EFCAB6: variants seen among roughly 807,000 people sequenced by gnomAD.
The protein encoded by EFCAB6 is EF-hand calcium-binding domain-containing protein 6.
Under a neutral mutation model 169.8 loss-of-function variants are expected in EFCAB6, and 156 were observed. The ratio of observed to expected loss-of-function variants is 0.92; its 90% CI spans 0.81 to 1.05. The LOEUF is 1.05. EFCAB6 is among the 50% of genes least tolerant of loss of function. EFCAB6 has a pLI of 0.00. For missense variants in EFCAB6, 1,800 were observed against 1,829.1 expected, an observed-to-expected ratio of 0.98 and a Z score of 0.29; for synonymous variants, 698 against 676.4, an observed-to-expected ratio of 1.03 and a Z score of -0.50.
At position 43,678,129 on chromosome 22, in the gene EFCAB6, C is replaced by A. The variant is rs200749675; in HGVS notation, c.1286G>T (p.Arg429Leu). ...TACAGCCATGCAATTTAGAATATATCGAAATTCTTCTCTTGTTATCGGTCC... is the reference window on the plus strand; with the variant it reads ...TACAGCCATGCAATTTAGAATATATAGAAATTCTTCTCTTGTTATCGGTCC... ...PDGPITREEFRYILNCMAVKL... is the reference protein window; with the variant it reads ...PDGPITREEFLYILNCMAVKL... Residue 429 changes from arginine (R) to leucine (L), a missense_variant, in exon 13 of 32, where the codon CGA becomes CTA. Physicochemically the swap from Arg to Leu is moderately radical, Grantham distance 102. Coordinates refer to ENST00000262726, the MANE Select transcript of EFCAB6 (RefSeq NM_022785.4). The A allele has an allele frequency of 2.5e-6, 4 of 1,609,266 alleles. No individual in the cohort carries two copies. Among genetic ancestry groups the A allele is most frequent in the Non-Finnish European group, 2.5e-6 (3 of 1,179,278 alleles).
At chr22:43,622,263 C>T (rs1411673467) in intron 20 of EFCAB6, among the ~76,000 whole-genome samples, 1 of 152,136 alleles carries the variant, frequency 6.6e-6, no homozygotes, top group African/African-American at 2.4e-5. Flanking sequence ...CACTTATTTT[C>T]TTTATAAAAT....
intron 4 of EFCAB6, among the ~76,000 whole-genome samples, chr22:43,770,928 GAA>G (rs55815179): frequency 2.0e-5 from 3 of 150,484 alleles, no homozygotes; most frequent in East Asian, 2.0e-4. Flanking sequence ...TTTTAAGTCA[GAA>G]AAAAAAAAGA....
At chr22:43,682,550 GCGGCT>G (rs2058045722) in intron 12 of EFCAB6, among the ~76,000 whole-genome samples, 1 of 152,224 alleles carries the variant, frequency 6.6e-6, no homozygotes, top group Non-Finnish European at 1.5e-5. Flanking sequence ...CTTTTCCCAC[GCGGCT>G]CAGCCAGCAG....
chr22:43,666,386 G>A (rs1457648793), intron 17 of EFCAB6, among the ~76,000 whole-genome samples: 1 of 152,168 alleles, frequency 6.6e-6, no homozygotes, highest in Non-Finnish European at 1.5e-5. Context: ...TCCGGCAGTG[G>A]GGCAGGCACC....
intron 7 of EFCAB6, 22 bp downstream of exon 7, chr22:43,735,835 C>T: frequency 6.2e-7 from 1 of 1,611,484 alleles, no homozygotes; most frequent in Non-Finnish European, 8.5e-7. Context: ...AGCAATCTCT[C>T]ACCGTGCCTT....
Position 43,672,231 on chromosome 22 carries a change from G to T in EFCAB6, c.1479+15C>A. ...ATAGGAAGGCATCCACACAAAGAAG[G>T]CAAGTGTTACTTACTGAATCCCAGG... is the stretch of plus-strand genomic sequence containing the variant. On this transcript the variant is annotated intron_variant, in intron 14 of 31. Coordinates refer to ENST00000262726, the MANE Select transcript of EFCAB6 (RefSeq NM_022785.4). 6.2e-7 allele frequency: 1 copy of T among 1,614,092 alleles called. No homozygotes were observed. Among genetic ancestry groups the T allele is most frequent in the Non-Finnish European group, 8.5e-7 (1 of 1,179,978 alleles).
chr22:43,782,283 C>T lies in EFCAB6; in HGVS notation c.36G>A (p.Arg12=), dbSNP rs1166432737. 6.2e-7 allele frequency: 1 copy of T among 1,614,054 alleles called. No individual in the cohort carries two copies. The highest frequency in any genetic ancestry group is 2.2e-5 in the East Asian group (1 of 44,866). ...CKMAIIPDWL[R]SHPHTRKFTH... ...TAAATTTTCGTGTGTGAGGATGCGA[C>T]CTAAGCCAGTCTGGTATAATCGCCA... Residue 12 remains arginine (R), a synonymous_variant, in exon 3 of 32, where the codon AGG becomes AGA. Coordinates refer to ENST00000262726, the MANE Select transcript of EFCAB6 (RefSeq NM_022785.4).
intron 11 of EFCAB6, among the ~76,000 whole-genome samples, chr22:43,685,921 T>C (rs1315354333): frequency 1.3e-5 from 2 of 152,248 alleles, no homozygotes; most frequent in Non-Finnish European, 2.9e-5. Context: ...TGAAGTGTTC[T>C]ATTGTGTTTT....
In EFCAB6 at chr22:43,784,517, G is replaced by A. The variant is rs796131183; in HGVS notation, c.-7-2192C>T. 2.1e-3 allele frequency among the ~76,000 whole-genome samples: 248 copies of A among 119,090 alleles called. 11 individuals carry two copies. The highest frequency in any genetic ancestry group is 4.5e-3 in the Middle Eastern group (1 of 220). 78.1% of individuals were successfully genotyped at this position (119,090 alleles called of 152,430 possible). A position where few individuals can be genotyped will look rare whatever the true frequency, so the allele number is the denominator to read the frequency against. On this transcript the variant is annotated intron_variant, in intron 2 of 31. Coordinates refer to ENST00000262726, the MANE Select transcript of EFCAB6 (RefSeq NM_022785.4). ...AAAAAAAAAAAATATATATATGTGT[G>A]TGTGTGTGTGTGTGTGTGTGTGTGT...
At chr22:43,570,138 C>T (rs552596414) in intron 26 of EFCAB6, 1 of 152,286 alleles carries the variant, frequency 6.6e-6, no homozygotes, top group African/African-American at 2.4e-5. Flanking sequence ...GAACAAAAAA[C>T]ATCTTCAAGT....
chr22:43,751,254 G>A (rs75607612), intron 6 of EFCAB6, among the ~76,000 whole-genome samples: 6,386 of 152,238 alleles, frequency 0.042, 152 homozygotes, highest in Non-Finnish European at 0.051. Flanking sequence ...TCCTATACAG[G>A]TCAGAATAGC....
chr22:43,640,972 G>T (rs1489999572), intron 17 of EFCAB6, among the ~76,000 whole-genome samples: 1 of 152,070 alleles, frequency 6.6e-6, no homozygotes, highest in African/African-American at 2.4e-5. Context: ...CCCCAGCCTG[G>T]GTGACCAGAA....
intron 13 of EFCAB6, among the ~76,000 whole-genome samples, chr22:43,677,648 G>C (rs1299651624): frequency 6.6e-6 from 1 of 152,000 alleles, no homozygotes; most frequent in Non-Finnish European, 1.5e-5. Flanking sequence ...TCGACGGAGA[G>C]AGACTCCATC....
intron 5 of EFCAB6, among the ~76,000 whole-genome samples, chr22:43,760,326 C>G (rs1309827528): frequency 2.6e-5 from 4 of 152,028 alleles, no homozygotes; most frequent in Non-Finnish European, 4.4e-5. Flanking sequence ...TATCTTATAG[C>G]CTTCACTGTC....
intron 27 of EFCAB6, 88 bp downstream of exon 27, chr22:43,554,779 AAC>A (rs2048599451): frequency 2.8e-6 from 3 of 1,082,934 alleles, no homozygotes; most frequent in Non-Finnish European, 4.1e-6. Flanking sequence ...AAAAATAGAG[AAC>A]AGTCTTAAAC....
intron 8 of EFCAB6, among the ~76,000 whole-genome samples, chr22:43,719,858 T>C (rs1424987708): frequency 1.2e-4 from 18 of 152,174 alleles, no homozygotes; most frequent in African/African-American, 3.9e-4. Context: ...ATAGGAGTCA[T>C]GGAAGAGCAG....
chr22:43,600,637 C>T (rs1361710904), intron 22 of EFCAB6, among the ~76,000 whole-genome samples: 2 of 142,306 alleles, frequency 1.4e-5, no homozygotes, highest in Non-Finnish European at 3.1e-5. Flanking sequence ...CCCCTCCATA[C>T]GTTTAGCAGG....
rs1569207678 is a variant in EFCAB6 at position 43,589,320 on chromosome 22, A to AAAAAAAAAAAAAAAAG, written c.3032+753_3032+754insCTTTTTTTTTTTTTTT. 8.4e-5 allele frequency among the ~76,000 whole-genome samples: 5 copies of AAAAAAAAAAAAAAAAG among 59,840 alleles called. 1 individual carries two copies. The highest frequency in any genetic ancestry group is 1.8e-4 in the Non-Finnish European group (5 of 27,630). The allele number at this position is 59,840 out of a possible 152,430, so 39.3% of individuals were successfully genotyped here. Reference sequence around the variant, plus strand: ...AAAAAAAAAAAAAAAAAAAAAAAAAAAGAAGTACAGGTACATTCACTATCA... The same window carrying AAAAAAAAAAAAAAAAG: ...AAAAAAAAAAAAAAAAAAAAAAAAAAAAAAAAAAAAAAAAAGAGAAGTACAGGTACATTCACTATCA... On this transcript the variant is annotated intron_variant, in intron 24 of 31. Coordinates refer to ENST00000262726, the MANE Select transcript of EFCAB6 (RefSeq NM_022785.4).
intron 6 of EFCAB6, among the ~76,000 whole-genome samples, chr22:43,737,268 A>G (rs2060175746): frequency 6.6e-6 from 1 of 151,978 alleles, no homozygotes; most frequent in African/African-American, 2.4e-5. Flanking sequence ...CACCCCATAC[A>G]TCATCACTGT....
Sources: gnomAD v4.1 joint callset for allele counts (sites outside exome capture counted in the v4.1 genomes callset) on GRCh38, gnomAD v4.1.1 for gene constraint, MANE v1.5 for transcripts, NCBI Gene and HGNC (gene_info 2026-07-23, HGNC 2026-07-21) for gene names.